Variants in SALL1 observed in about 807,000 individuals in gnomAD.
SALL1 encodes the protein spalt like transcription factor 1, also known as sal-like protein 1.
A neutral mutation model predicts 73.1 loss-of-function variants in SALL1; 10 were observed. The observed-to-expected ratio is 0.14, with a 90% confidence interval of 0.08 to 0.23. The LOEUF is 0.23. SALL1 is among the 10% of genes least tolerant of loss of function. The pLI, the probability that SALL1 is intolerant of heterozygous loss-of-function variation, is 1.00. For synonymous variants in SALL1, 688 were observed against 689.8 expected (o/e 1.00, Z 0.04); for missense variants, 1,520 against 1,697.3 (o/e 0.90, Z 1.84).
At position 51,141,674 on chromosome 16, in the gene SALL1, G is replaced by T. The variant is rs1417997778; in HGVS notation, c.548C>A (p.Thr183Lys). 14 of 1,613,614 alleles carry T rather than the reference G, an allele frequency of 8.7e-6. No individual in the cohort carries two copies. Among genetic ancestry groups the T allele is most frequent in the Non-Finnish European group, 1.0e-5 (12 of 1,180,024 alleles). ...TTSLPQLGDL[T>K]TLGNFSVINS... Reference sequence around the variant, plus strand: ...GATTACGGAGAAGTTGCCCAGTGTTGTCAGGTCCCCGAGTTGAGGTAGAGA... The same window carrying T: ...GATTACGGAGAAGTTGCCCAGTGTTTTCAGGTCCCCGAGTTGAGGTAGAGA... Residue 183 changes from threonine to lysine, a missense_variant, in exon 2 of 3, where the codon ACA becomes AAA. Thr to Lys is a moderately conservative substitution (Grantham distance 78, BLOSUM62 -1). Transcript: ENST00000251020. The surrounding 1 kb of genome is among the most constrained non-coding windows in gnomAD (Gnocchi z 5.4).
rs373311397 is a variant in SALL1 at position 51,139,323 on chromosome 16, C to A, written c.2899G>T (p.Gly967Cys). 26 of 1,614,024 alleles carry A rather than the reference C, an allele frequency of 1.6e-5. No homozygotes were observed. The highest frequency in any genetic ancestry group is 2.1e-5 in the Non-Finnish European group (25 of 1,180,056). Residue 967 changes from glycine (G) to cysteine (C), a missense_variant, in exon 2 of 3, where the codon GGT (glycine) becomes TGT (cysteine). Physicochemically the swap from Gly to Cys is radical, Grantham distance 159. Coordinates refer to ENST00000251020, the MANE Select transcript of SALL1 (RefSeq NM_002968.3). ...ANGLSPTPVN[G>C]GALDLTSSHA... Reference sequence around the variant, plus strand: ...CTAGATGTCAAATCCAAAGCCCCACCATTCACTGGGGTGGGAGACAAACCA... The same window carrying A: ...CTAGATGTCAAATCCAAAGCCCCACAATTCACTGGGGTGGGAGACAAACCA...
chr16:51,145,872 G>A (rs1432155385), intron 1 of SALL1, among the ~76,000 whole-genome samples: 1 of 151,790 alleles, frequency 6.6e-6, no homozygotes, highest in African/African-American at 2.4e-5. Flanking sequence ...ATTATCTTAA[G>A]ATTGCATTTA....
chr16:51,142,045 CAGA>C lies in SALL1; in HGVS notation c.174_176del (p.Leu60del). The stretch of plus-strand genomic sequence containing the variant: ...TTTTAGTACAGTTCTTCTTGTGGAG[CAGA>C]AGATCTGATAATTCAAAGAACTCGG... On this transcript the variant is annotated inframe_deletion, in exon 2 of 3. Coordinates refer to ENST00000251020, the MANE Select transcript of SALL1 (RefSeq NM_002968.3). 1.9e-6 allele frequency: 3 copies of C among 1,613,904 alleles called. No individual in the cohort carries two copies. The highest frequency in any genetic ancestry group is 1.1e-5 in the South Asian group (1 of 91,078).
intron 1 of SALL1, among the ~76,000 whole-genome samples, chr16:51,143,773 T>G (rs937337822): frequency 6.6e-6 from 1 of 152,182 alleles, no homozygotes; most frequent in African/African-American, 2.4e-5. Context: ...TGGTGAAGTA[T>G]GCCAAACGTA....
intron 1 of SALL1, chr16:51,150,680 A>G: frequency 1.5e-6 from 1 of 668,746 alleles, no homozygotes; most frequent in Non-Finnish European, 1.9e-6. Flanking sequence ...CTCGGAGTTC[A>G]GCCCAGCGCC....
At position 51,150,346 on chromosome 16, in the gene SALL1, G is replaced by A. The variant is rs531597647; in HGVS notation, c.76+820C>T. The A allele has an allele frequency of 1.1e-5, 10 of 942,960 alleles. No individual in the cohort carries two copies. In the African/African-American group the frequency reaches 1.1e-4, roughly 10 times the overall value. The allele number at this position is 942,960 out of a possible 1,614,324, so 58.4% of individuals were successfully genotyped here. ...TTCTTCCCTGACCCCCCTGGAAGTAGGGAGCACCACGATCCGCAGAGGGCG... is the reference window on the plus strand; with the variant it reads ...TTCTTCCCTGACCCCCCTGGAAGTAAGGAGCACCACGATCCGCAGAGGGCG... On this transcript the variant is annotated intron_variant, in intron 1 of 2. Coordinates refer to ENST00000251020, the MANE Select transcript of SALL1 (RefSeq NM_002968.3).
In SALL1 at chr16:51,140,688, G is replaced by A; in HGVS notation, c.1534C>T (p.Pro512Ser). 6.2e-7 allele frequency: 1 copy of A among 1,614,156 alleles called. No individual in the cohort carries two copies. Among genetic ancestry groups the A allele is most frequent in the Non-Finnish European group, 8.5e-7 (1 of 1,180,018 alleles). The change falls in exon 2 of 3, where the codon CCT becomes TCT. Residue 512 changes from proline to serine, a missense_variant. By Grantham distance (74) the Pro-to-Ser change is moderately conservative. This residue lies in a region of SALL1 where 276 missense variants were observed against 259.1 expected (regional missense o/e 1.07). Coordinates refer to ENST00000251020, the MANE Select transcript of SALL1 (RefSeq NM_002968.3). The surrounding 1 kb of genome is among the most constrained non-coding windows in gnomAD (Gnocchi z 5.7). ...KYPHIQMNPYPVPEHLDNIPT... is the reference protein window; with the variant it reads ...KYPHIQMNPYSVPEHLDNIPT... ...ATATTGTCCAAATGCTCAGGCACAGGATAGGGGTTCATCTGGATATGAGGG... is the reference window on the plus strand; with the variant it reads ...ATATTGTCCAAATGCTCAGGCACAGAATAGGGGTTCATCTGGATATGAGGG...
upstream of SALL1, among the ~76,000 whole-genome samples, chr16:51,151,699 G>A (rs1283462940): frequency 6.6e-6 from 1 of 150,810 alleles, no homozygotes; most frequent in Admixed American, 6.6e-5. Context: ...CCCGGCAGGC[G>A]CCCCCCGCTC....
In SALL1 at chr16:51,139,711, G is replaced by T. The variant is rs753477393; in HGVS notation, c.2511C>A (p.Ile837=). 12 of 1,614,114 alleles carry T rather than the reference G, an allele frequency of 7.4e-6. No individual in the cohort carries two copies. The East Asian group carries it at 2.7e-4, about 36-fold the overall frequency. Residue 837 remains isoleucine, a synonymous_variant, in exon 2 of 3, where the codon ATC becomes ATA. Transcript: ENST00000251020. ...CGTCTGCAGACTTAGGTGTATCAGG[G>T]ATGCTGCCCTCAGGACAGTCTTCCA... ...ENMEDCPEGS[I]PDTPKSADAS...
chr16:51,141,328 T>C lies in SALL1; in HGVS notation c.894A>G (p.Gly298=), dbSNP rs1186589513. 1.2e-6 allele frequency: 2 copies of C among 1,613,604 alleles called. No homozygotes were observed. Among genetic ancestry groups the C allele is most frequent in the African/African-American group, 2.7e-5 (2 of 74,898 alleles). The change falls in exon 2 of 3, where the codon GGA becomes GGG. Residue 298 remains glycine, a synonymous_variant. Coordinates refer to ENST00000251020, the MANE Select transcript of SALL1 (RefSeq NM_002968.3). The surrounding 1 kb of genome is among the most constrained non-coding windows in gnomAD (Gnocchi z 5.4). ...ATTGGCTGGCGAGGCTCTGTGCCAA[T>C]CCAGCTGCTGCTGCCAGCTGCTGAG... The part of the protein sequence containing the change: ...HLSQQLAAAA[G]LAQSLASQSA...
At position 51,141,213 on chromosome 16, in the gene SALL1, A is replaced by G. The variant is rs746920544; in HGVS notation, c.1009T>C (p.Ser337Pro). The part of the protein sequence containing the change: ...GNTIIPSNSG[S>P]SPNMNILAAA... ...GCCAATATGTTCATATTGGGAGAAG[A>G]GCCGCTGTTGGATGGAATGATGGTG... Residue 337 changes from serine (S) to proline (P), a missense_variant, in exon 2 of 3, where the codon TCT becomes CCT. Physicochemically the swap from Ser to Pro is moderately conservative, Grantham distance 74. Transcript: ENST00000251020. This position sits in a 1 kb window ranked among gnomAD's most constrained non-coding sequence, Gnocchi z 5.4. 1.2e-6 allele frequency: 2 copies of G among 1,614,102 alleles called. No homozygotes were observed. Among genetic ancestry groups the G allele is most frequent in the Non-Finnish European group, 1.7e-6 (2 of 1,180,046 alleles).
chr16:51,151,918 TC>T (rs1389320733), upstream of SALL1, among the ~76,000 whole-genome samples: 9 of 139,826 alleles, frequency 6.4e-5, no homozygotes, highest in African/African-American at 2.5e-4. Flanking sequence ...GGGGAGGGAG[TC>T]CCGCGGCGGG....
At position 51,139,308 on chromosome 16, in the gene SALL1, A is replaced by G. The variant is rs1250512054; in HGVS notation, c.2914T>C (p.Leu972=). 4 of 1,614,142 alleles carry G rather than the reference A, an allele frequency of 2.5e-6. No individual in the cohort carries two copies. The highest frequency in any genetic ancestry group is 2.5e-6 in the Non-Finnish European group (3 of 1,180,030). The stretch of plus-strand genomic sequence containing the variant: ...ATTTTCTCTGCGTGACTAGATGTCA[A>G]ATCCAAAGCCCCACCATTCACTGGG... ...PTPVNGGALD[L]TSSHAEKIIK... is the part of the protein sequence containing the mutation. Residue 972 remains leucine (L), a synonymous_variant, in exon 2 of 3, where the codon TTG becomes CTG. Coordinates refer to ENST00000251020, the MANE Select transcript of SALL1 (RefSeq NM_002968.3).
At chr16:51,138,195 A>G (rs1179663388) in intron 2 of SALL1, among the ~76,000 whole-genome samples, 1 of 152,216 alleles carries the variant, frequency 6.6e-6, no homozygotes, top group Non-Finnish European at 1.5e-5. Context: ...ATCAATTATC[A>G]TAATACCCAT....
At chr16:51,138,253 A>G (rs561038745) in intron 2 of SALL1, among the ~76,000 whole-genome samples, 1 of 152,308 alleles carries the variant, frequency 6.6e-6, no homozygotes, top group South Asian at 2.1e-4. Context: ...ACCATGCTGG[A>G]CTGCATAGTT....
In SALL1 at chr16:51,141,832, C is replaced by T. The variant is rs75156807; in HGVS notation, c.390G>A (p.Pro130=). Residue 130 remains proline, a synonymous_variant, in exon 2 of 3, where the codon CCG becomes CCA. Transcript: ENST00000251020. This position sits in a 1 kb window ranked among gnomAD's most constrained non-coding sequence, Gnocchi z 5.4. The part of the protein sequence containing the change: ...DREESMEVEA[P]VANKSGSGTS... ...TGCCGCTGCCGCTTTTGTTAGCAACCGGGGCCTCCACCTCCATGGACTCTT... is the reference window on the plus strand; with the variant it reads ...TGCCGCTGCCGCTTTTGTTAGCAACTGGGGCCTCCACCTCCATGGACTCTT... The T allele has an allele frequency of 0.012, 19,646 of 1,613,810 alleles. 141 individuals are homozygous for T. Among genetic ancestry groups the T allele is most frequent in the Non-Finnish European group, 0.014 (16,867 of 1,180,004 alleles).
At chr16:51,150,644 A>G (rs1962584166) in intron 1 of SALL1, 1 of 896,368 alleles carries the variant, frequency 1.1e-6, no homozygotes. Context: ...GCGTGGGGGC[A>G]GGGGGGCGCA....
intron 1 of SALL1, among the ~76,000 whole-genome samples, chr16:51,150,147 C>G (rs1962575544): frequency 6.6e-6 from 1 of 152,184 alleles, no homozygotes; most frequent in Non-Finnish European, 1.5e-5. Flanking sequence ...CAACTCCCTG[C>G]CCGGATCTCT....
Position 51,139,375 on chromosome 16 carries a change from C to T in SALL1, c.2847G>A (p.Gln949=). Residue 949 remains glutamine, a synonymous_variant, in exon 2 of 3, where the codon CAG becomes CAA. Transcript: ENST00000251020. The part of the protein sequence containing the change: ...HKSPSIEEKP[Q]RAVPSEFANG... Reference sequence around the variant, plus strand: ...TGGCAAACTCGCTTGGGACCGCTCTCTGTGGTTTCTCCTCAATGCTGGGTG... The same window carrying T: ...TGGCAAACTCGCTTGGGACCGCTCTTTGTGGTTTCTCCTCAATGCTGGGTG... 1 of 1,614,150 alleles carries T rather than the reference C, an allele frequency of 6.2e-7. No homozygotes were observed.
Sources: allele counts gnomAD v4.1 joint callset (sites outside exome capture counted in the v4.1 genomes callset), GRCh38; gene constraint gnomAD v4.1.1; regional missense constraint gnomAD v4.1.1; non-coding constraint Gnocchi (gnomAD v3.1); transcripts MANE v1.5; gene names NCBI Gene and HGNC (gene_info 2026-07-23, HGNC 2026-07-21).